Variants in PHEX observed in about 807,000 individuals in gnomAD.
The protein encoded by PHEX is phosphate regulating endopeptidase X-linked.
PHEX carries 16 observed loss-of-function variants against 68.0 expected under a neutral mutation model. The ratio of observed to expected loss-of-function variants is 0.24; its 90% CI spans 0.16 to 0.36. The LOEUF (loss-of-function observed/expected upper bound fraction) is 0.36. Ranked by LOEUF, PHEX falls within the 10% of genes least tolerant of loss-of-function variation. The pLI is 1.00. For synonymous variants in PHEX, 208 were observed against 205.1 expected, an observed-to-expected ratio of 1.01 and a Z score of -0.12; for missense variants, 480 against 575.5, an observed-to-expected ratio of 0.83 and a Z score of 1.70.
intron 10 of PHEX, among the ~76,000 whole-genome samples, chrX:22,113,806 G>C (rs1931098758): frequency 9.1e-6 from 1 of 110,245 alleles, no homozygotes; most frequent in African/African-American, 3.3e-5. Flanking sequence ...CTAGACACTT[G>C]GATAGCATCC....
intron 20 of PHEX, among the ~76,000 whole-genome samples, chrX:22,230,229 C>CTTTTTTTTTTTTTTTTTTTTTT (rs140475343): frequency 1.8e-4 from 2 of 10,939 alleles, no homozygotes; most frequent in Non-Finnish European, 1.8e-4. Context: ...TATATGGGCT[C>CTTTTTTTTTTTTTTTTTTTTTT]TTTTTTTTTT....
At position 22,055,174 on chromosome X, in the gene PHEX, C is replaced by CAAAAA. The variant is rs111628195; in HGVS notation, c.349+8000_349+8004dup. On this transcript the variant is annotated intron_variant, in intron 3 of 21. Coordinates refer to ENST00000379374, the MANE Select transcript of PHEX (RefSeq NM_000444.6). ...CGGGCAACAGAGAGAGACTCCAGCT[C>CAAAAA]AAAAAAAAAAAAAAAAAAAAAAAAA... is the stretch of plus-strand genomic sequence containing the variant. Among the ~76,000 whole-genome samples, 31 of 66,072 alleles carry CAAAAA rather than the reference C, an allele frequency of 4.7e-4. 3 individuals are homozygous for CAAAAA. The highest frequency in any genetic ancestry group is 8.1e-4 in the Non-Finnish European group (27 of 33,144). 57.4% of individuals were successfully genotyped at this position (66,072 alleles called of 115,157 possible). A position where few individuals can be genotyped will look rare whatever the true frequency, so the allele number is the denominator to read the frequency against.
intron 15 of PHEX, among the ~76,000 whole-genome samples, chrX:22,211,649 G>A (rs1278088146): frequency 1.8e-5 from 2 of 112,021 alleles, no homozygotes; most frequent in Non-Finnish European, 3.8e-5. Context: ...GTTTACTGAT[G>A]AATAAAGAAG....
At chrX:22,127,647 G>T (rs757640436) in intron 11 of PHEX, among the ~76,000 whole-genome samples, 4 of 110,340 alleles carry the variant, frequency 3.6e-5, no homozygotes, top group Non-Finnish European at 7.6e-5. Context: ...AAGTCTGCTG[G>T]GGTAGTTCAA....
intron 15 of PHEX, among the ~76,000 whole-genome samples, chrX:22,192,331 G>A (rs962922889): frequency 2.7e-5 from 3 of 111,506 alleles, no homozygotes; most frequent in African/African-American, 9.8e-5. Flanking sequence ...TATGGTAATA[G>A]CCTCCTCATT....
chrX:22,192,185 T>C (rs141172697), intron 15 of PHEX, among the ~76,000 whole-genome samples: 6,594 of 111,190 alleles, frequency 0.059, 181 homozygotes, highest in African/African-American at 0.075. Flanking sequence ...CCTTTTCTGT[T>C]CTCTTCTCTC....
chrX:22,089,011 C>G (rs1264468397), intron 5 of PHEX, among the ~76,000 whole-genome samples: 1 of 111,768 alleles, frequency 8.9e-6, no homozygotes, highest in Non-Finnish European at 1.9e-5. Flanking sequence ...TTTCTTTTTG[C>G]TTATGGATGC....
intron 3 of PHEX, among the ~76,000 whole-genome samples, chrX:22,049,762 G>A (rs1927724899): frequency 9.1e-6 from 1 of 110,267 alleles, no homozygotes; most frequent in Admixed American, 9.7e-5. Context: ...TACTCAGAAG[G>A]CTGAGGCAGG....
intron 12 of PHEX, among the ~76,000 whole-genome samples, chrX:22,140,607 G>A (rs1057245540): frequency 1.5e-4 from 16 of 110,010 alleles, no homozygotes; most frequent in Non-Finnish European, 2.5e-4. Flanking sequence ...TCAGCCTCCC[G>A]AGTAGCTGGG....
At chrX:22,065,199 T>G (rs1012971199) in intron 3 of PHEX, among the ~76,000 whole-genome samples, 2 of 112,204 alleles carry the variant, frequency 1.8e-5, no homozygotes, top group Non-Finnish European at 3.8e-5. Context: ...ATTTGTAAAA[T>G]GAGAAGGAAA....
At chrX:22,238,208 G>A (rs1256818999) in intron 20 of PHEX, among the ~76,000 whole-genome samples, 1 of 112,478 alleles carries the variant, frequency 8.9e-6, no homozygotes, top group Non-Finnish European at 1.9e-5. Flanking sequence ...GAAGGCGGGT[G>A]ATTTCTGCAT....
At chrX:22,045,798 T>G (rs1167184867) in intron 2 of PHEX, among the ~76,000 whole-genome samples, 1 of 112,337 alleles carries the variant, frequency 8.9e-6, no homozygotes, top group Non-Finnish European at 1.9e-5. Flanking sequence ...CAGAATTCCC[T>G]GCCTGATGGC....
chrX:22,039,793 G>A (rs1324364875), intron 2 of PHEX, among the ~76,000 whole-genome samples: 3 of 111,845 alleles, frequency 2.7e-5, no homozygotes, highest in African/African-American at 6.5e-5. Context: ...GGAATTAGCC[G>A]GGCATGGTGG....
chrX:22,212,507 G>A (rs1257473806), intron 15 of PHEX, among the ~76,000 whole-genome samples: 2 of 111,704 alleles, frequency 1.8e-5, no homozygotes, highest in Non-Finnish European at 3.8e-5. Flanking sequence ...GGCAGGAGAA[G>A]ATTAAACTAA....
intron 3 of PHEX, among the ~76,000 whole-genome samples, chrX:22,075,977 G>T (rs765898817): frequency 6.3e-4 from 71 of 112,070 alleles, no homozygotes; most frequent in African/African-American, 2.1e-3. Flanking sequence ...GAAATCTTAA[G>T]AAACACAACC....
chrX:22,142,805 G>A (rs190412931), intron 12 of PHEX, among the ~76,000 whole-genome samples: 250 of 112,555 alleles, frequency 2.2e-3, no homozygotes, highest in East Asian at 8.6e-3. Flanking sequence ...TTAGCAATGC[G>A]TTGATATCAT....
chrX:22,044,886 C>T (rs1487188753), intron 2 of PHEX, among the ~76,000 whole-genome samples: 2 of 109,340 alleles, frequency 1.8e-5, no homozygotes, highest in Middle Eastern at 4.3e-3. Flanking sequence ...TTTTAAGAGA[C>T]GGGGTTTTGC....
intron 12 of PHEX, among the ~76,000 whole-genome samples, chrX:22,147,151 TG>T (rs973170987): frequency 4.5e-5 from 5 of 111,898 alleles, no homozygotes; most frequent in African/African-American, 1.6e-4. Flanking sequence ...TTGTTTCTTT[TG>T]TTTTTTTTTG....
chrX:22,157,329 T>TAAAC (rs1004849802), intron 12 of PHEX, among the ~76,000 whole-genome samples: 3 of 112,296 alleles, frequency 2.7e-5, no homozygotes, highest in Non-Finnish European at 5.6e-5. Flanking sequence ...CTGTCTATAT[T>TAAAC]AAACAAACAA....
Sources: gnomAD v4.1 joint callset for allele counts (sites outside exome capture counted in the v4.1 genomes callset) on GRCh38, gnomAD v4.1.1 for gene constraint, MANE v1.5 for transcripts, NCBI Gene and HGNC (gene_info 2026-07-23, HGNC 2026-07-21) for gene names.